COPE: variants seen among roughly 807,000 people sequenced by gnomAD.
The protein encoded by COPE is coat protein complex I subunit epsilon, also known as coatomer subunit epsilon.
A neutral mutation model predicts 42.1 loss-of-function variants in COPE; 19 were observed. The observed-to-expected ratio is 0.45, with a 90% CI of 0.31 to 0.66. COPE has a LOEUF of 0.66. COPE is among the 30% of genes least tolerant of loss of function. The pLI is 0.05. For synonymous variants in COPE, 195 were observed against 181.3 expected (o/e 1.08, Z -0.60); for missense variants, 402 against 416.1 (o/e 0.97, Z 0.30).
chr19:18,899,986 G>A, intron 8 of COPE, 39 bp from the exon 9 acceptor site: 1 of 1,585,510 alleles, frequency 6.3e-7, no homozygotes, highest in Non-Finnish European at 8.6e-7. Flanking sequence ...CCGAACACGG[G>A]GACCCCACGG....
In COPE at chr19:18,906,996, G is replaced by A. The variant is rs370123324; in HGVS notation, c.407C>T (p.Ala136Val). ...GTCCCCCTGGTGCAGCGCACGCAGG[G>A]CGGCATCCGGGTTCTGGTCGTGGAG... ...IYLHDQNPDAALRALHQGDSL... is the reference protein window; with the variant it reads ...IYLHDQNPDAVLRALHQGDSL... Residue 136 changes from alanine (A) to valine (V), a missense_variant, in exon 4 of 10, where the codon GCC becomes GTC. Transcript: ENST00000262812. 6.3e-6 allele frequency: 10 copies of A among 1,582,044 alleles called. No homozygotes were observed. The African/African-American group carries it at 1.3e-4, about 21-fold the overall frequency.
intron 2 of COPE, chr19:18,911,457 C>T (rs2056809767): frequency 4.4e-6 from 1 of 224,878 alleles, no homozygotes; most frequent in Non-Finnish European, 9.3e-6. Context: ...CCCTGCCCAC[C>T]TACTGGCCCT....
rs550004095 is a variant in COPE, at chr19:18,904,653, G to A, written c.579+118C>T. On this transcript the variant is annotated intron_variant, in intron 6 of 9. Transcript: ENST00000262812. Reference sequence around the variant, plus strand: ...GTTATGCCAGGCTGGCAGGGGCCACGGCCTGATCCTGGAGCCCCACTGGAG... The same window carrying A: ...GTTATGCCAGGCTGGCAGGGGCCACAGCCTGATCCTGGAGCCCCACTGGAG... The A allele has an allele frequency of 2.1e-4, 182 of 871,056 alleles. No homozygotes were observed. In the African/African-American group the frequency reaches 2.4e-3, roughly 12 times the overall value. The allele number at this position is 871,056 out of a possible 1,614,324, so 54.0% of individuals were successfully genotyped here.
intron 1 of COPE, among the ~76,000 whole-genome samples, chr19:18,913,816 AC>A (rs2056831965): frequency 6.6e-6 from 1 of 152,164 alleles, no homozygotes. Flanking sequence ...AACAGAGGGG[AC>A]TGAGAAGGCT....
In COPE at chr19:18,899,855, G is replaced by A; in HGVS notation, c.879+18C>T. On this transcript the variant is annotated intron_variant, in intron 9 of 9. Transcript: ENST00000262812. The stretch of plus-strand genomic sequence containing the variant: ...CCCCTGGCCTGGTTCTCGGGGACAG[G>A]CCATCCCCACCACTCACCTTGGCCT... 6.2e-7 allele frequency: 1 copy of A among 1,612,430 alleles called. No homozygotes were observed. Among genetic ancestry groups the A allele is most frequent in the Non-Finnish European group, 8.5e-7 (1 of 1,179,150 alleles).
At chr19:18,918,919 G>A (rs1173638554) in intron 1 of COPE, among the ~76,000 whole-genome samples, 1 of 152,140 alleles carries the variant, frequency 6.6e-6, no homozygotes, top group Non-Finnish European at 1.5e-5. Flanking sequence ...CCATCTCACG[G>A]GAACTGAAGG....
chr19:18,912,431 A>T (rs1414025341), intron 2 of COPE, among the ~76,000 whole-genome samples: 1 of 151,268 alleles, frequency 6.6e-6, no homozygotes, highest in Non-Finnish European at 1.5e-5. Flanking sequence ...GGTGTGAGCC[A>T]CTGTGCCTGG....
chr19:18,905,704 A>C, intron 4 of COPE, 75 bp from the exon 5 acceptor site: 37 of 1,432,392 alleles, frequency 2.6e-5, no homozygotes, highest in Non-Finnish European at 3.1e-5. Context: ...CCCAGGGCTC[A>C]CTGTGTGTGT....
chr19:18,905,453 C>T, intron 5 of COPE, 123 bp downstream of exon 5: 2 of 1,005,220 alleles, frequency 2.0e-6, no homozygotes, highest in South Asian at 1.8e-5. Flanking sequence ...GCAAGCCACC[C>T]CCATGGAAAG....
chr19:18,916,318 A>C (rs1310815213), intron 1 of COPE, among the ~76,000 whole-genome samples: 1 of 150,998 alleles, frequency 6.6e-6, no homozygotes, highest in African/African-American at 2.4e-5. Context: ...GTGCCACTGC[A>C]CTCCAGCCTG....
chr19:18,900,335 A>G (rs1450369612), intron 8 of COPE, 46 bp downstream of exon 8: 1 of 1,479,708 alleles, frequency 6.8e-7, no homozygotes, highest in South Asian at 1.2e-5. Context: ...CTGGGGTCCC[A>G]GGGTCTGGAC....
intron 1 of COPE, among the ~76,000 whole-genome samples, chr19:18,914,939 G>A (rs1382358560): frequency 1.3e-5 from 2 of 151,872 alleles, no homozygotes; most frequent in Non-Finnish European, 2.9e-5. Context: ...TATTGGCCAG[G>A]CTGGTCTTGA....
chr19:18,903,364 C>T lies in COPE; in HGVS notation c.639G>A (p.Ser213=), dbSNP rs201323581. 38 of 1,613,022 alleles carry T rather than the reference C, an allele frequency of 2.4e-5. No individual in the cohort carries two copies. The highest frequency in any genetic ancestry group is 2.3e-4 in the Admixed American group (14 of 59,946). ...YIFQEMADKC[S]PTLLLLNGQA... ...GCCCATTGAGCAGCAGCAGGGTGGG[C>T]GAGCACTTGTCAGCCATCTCCTGGA... Residue 213 remains serine (S), a synonymous_variant, in exon 7 of 10, where the codon TCG becomes TCA. Coordinates refer to ENST00000262812, the MANE Select transcript of COPE (RefSeq NM_007263.4).
At chr19:18,913,118 G>C in intron 1 of COPE, 72 bp from the exon 2 acceptor site, 3 of 1,360,168 alleles carry the variant, frequency 2.2e-6, no homozygotes, top group South Asian at 2.3e-5. Flanking sequence ...GAGCATGACA[G>C]ACAGGCCCCT....
intron 1 of COPE, among the ~76,000 whole-genome samples, chr19:18,916,269 T>C (rs1030519961): frequency 6.7e-6 from 1 of 149,798 alleles, no homozygotes; most frequent in Non-Finnish European, 1.5e-5. Context: ...AGGAGAATGG[T>C]GTGAACCCAG....
intron 3 of COPE, 145 bp from the exon 4 acceptor site, chr19:18,907,257 G>T: frequency 1.3e-6 from 1 of 794,414 alleles, no homozygotes; most frequent in Non-Finnish European, 1.9e-6. Context: ...GCATCGAGCT[G>T]TCCCGACATG....
rs566242152 is a variant in COPE, at chr19:18,911,917, C to T, written c.190-846G>A. On this transcript the variant is annotated intron_variant, in intron 2 of 9. Transcript: ENST00000262812. Reference sequence around the variant, plus strand: ...CCAGGCTGGAGTGTAATGCTGTGACCTCAGCTCACCGAAACCTCTGCCTCC... The same window carrying T: ...CCAGGCTGGAGTGTAATGCTGTGACTTCAGCTCACCGAAACCTCTGCCTCC... Among the ~76,000 whole-genome samples, 19 of 150,604 alleles carry T rather than the reference C, an allele frequency of 1.3e-4. No individual in the cohort carries two copies. The South Asian group carries it at 4.0e-3, about 32-fold the overall frequency.
At chr19:18,907,655 C>T (rs911252743) in intron 3 of COPE, among the ~76,000 whole-genome samples, 9 of 152,218 alleles carry the variant, frequency 5.9e-5, no homozygotes, top group African/African-American at 1.9e-4. Context: ...GGCTGAGGAC[C>T]GGCTCAGCTC....
intron 1 of COPE, among the ~76,000 whole-genome samples, chr19:18,915,017 T>C (rs2056842315): frequency 6.6e-6 from 1 of 151,938 alleles, no homozygotes; most frequent in South Asian, 2.1e-4. Flanking sequence ...TGAGCCACCG[T>C]GCCCGGTCTG....
Sources: allele counts gnomAD v4.1 joint callset (sites outside exome capture counted in the v4.1 genomes callset), GRCh38; gene constraint gnomAD v4.1.1; transcripts MANE v1.5; gene names NCBI Gene and HGNC (gene_info 2026-07-23, HGNC 2026-07-21).